Variants in HECW1 observed in about 807,000 individuals in gnomAD.
The protein encoded by HECW1 is E3 ubiquitin-protein ligase HECW1.
HECW1 carries 61 observed loss-of-function variants against 182.3 expected under a neutral mutation model. The observed-to-expected ratio is 0.33, with a 90% CI of 0.27 to 0.41. The LOEUF (loss-of-function observed/expected upper bound fraction) is 0.41. Among genes scored for constraint, HECW1 ranks in the 10% least tolerant of loss-of-function variants. The pLI is 1.00. For synonymous variants in HECW1, 859 were observed against 832.6 expected (o/e 1.03, Z -0.55); for missense variants, 1,739 against 2,108.9 (o/e 0.82, Z 3.44).
At position 43,172,430 on chromosome 7, in the gene HECW1, A is replaced by ATT. The variant is rs11394010; in HGVS notation, c.-32+58047_-32+58048dup. On this transcript the variant is annotated intron_variant, in intron 2 of 29. Coordinates refer to ENST00000395891, the MANE Select transcript of HECW1 (RefSeq NM_015052.5). ...TCTAGAAATCCTAGAGATTTCTAGGATTTTTTTTTCAATAAATTCTTTCAC... is the reference window on the plus strand; with the variant it reads ...TCTAGAAATCCTAGAGATTTCTAGGATTTTTTTTTTTCAATAAATTCTTTCAC... 5.2e-3 allele frequency among the ~76,000 whole-genome samples: 791 copies of ATT among 151,008 alleles called. 3 individuals are homozygous for ATT. The East Asian group carries it at 0.053, about 10-fold the overall frequency.
At chr7:43,251,375 C>A (rs1291661688) in intron 3 of HECW1, among the ~76,000 whole-genome samples, 2 of 152,060 alleles carry the variant, frequency 1.3e-5, no homozygotes, top group African/African-American at 4.8e-5. Flanking sequence ...GATAGCGCGG[C>A]CTTGGCTCAC....
intron 24 of HECW1, among the ~76,000 whole-genome samples, chr7:43,531,367 G>A (rs2080981782): frequency 6.6e-6 from 1 of 152,176 alleles, no homozygotes; most frequent in Non-Finnish European, 1.5e-5. Flanking sequence ...CTGCATTGCT[G>A]TGTCTATCTC....
At chr7:43,157,656 G>C (rs1458314484) in intron 2 of HECW1, among the ~76,000 whole-genome samples, 1 of 152,260 alleles carries the variant, frequency 6.6e-6, no homozygotes, top group African/African-American at 2.4e-5. Context: ...TGTTTCCCAG[G>C]CTTAAGAGAT....
intron 2 of HECW1, among the ~76,000 whole-genome samples, chr7:43,237,142 T>TAGGA (rs1491105573): frequency 2.4e-5 from 1 of 41,490 alleles, no homozygotes; most frequent in Non-Finnish European, 4.4e-5. Flanking sequence ...AGGAAGGAAG[T>TAGGA]AGGTAGGTAG....
chr7:43,364,228 G>T lies in HECW1; in HGVS notation c.555+3248G>T, dbSNP rs73326152. ...TCAGCGCTTTAATTTTCTGAGCATT[G>T]TATGGTCTCACGATGCATCAATTCT... is the stretch of plus-strand genomic sequence containing the variant. On this transcript the variant is annotated intron_variant, in intron 6 of 29. Transcript: ENST00000395891. 5.0e-3 allele frequency among the ~76,000 whole-genome samples: 759 copies of T among 152,270 alleles called. 5 individuals are homozygous for T. The highest frequency in any genetic ancestry group is 0.017 in the African/African-American group (724 of 41,556).
intron 16 of HECW1, among the ~76,000 whole-genome samples, chr7:43,470,430 C>G (rs2077972759): frequency 6.6e-6 from 1 of 152,108 alleles, no homozygotes; most frequent in Non-Finnish European, 1.5e-5. Flanking sequence ...GCTTTTGCAC[C>G]AAGATAAGGA....
chr7:43,341,065 A>G (rs1363391200), intron 5 of HECW1, among the ~76,000 whole-genome samples: 1 of 151,724 alleles, frequency 6.6e-6, no homozygotes, highest in African/African-American at 2.4e-5. Flanking sequence ...AAGGACAGAA[A>G]ACCAAACACT....
In HECW1 at chr7:43,114,453, G is replaced by A. The variant is rs140452644; in HGVS notation, c.-32+62G>A. ...TGTGTTTTCCACTAAGAAGGGATTAGAGTCCACATGCCCACCCTGGTATGA... is the reference window on the plus strand; with the variant it reads ...TGTGTTTTCCACTAAGAAGGGATTAAAGTCCACATGCCCACCCTGGTATGA... On this transcript the variant is annotated intron_variant, in intron 2 of 29. Transcript: ENST00000395891. 2.2e-4 allele frequency: 282 copies of A among 1,287,798 alleles called. 1 individual carries two copies. The African/African-American group carries it at 2.4e-3, about 11-fold the overall frequency. 79.8% of individuals were successfully genotyped at this position (1,287,798 alleles called of 1,614,324 possible).
At chr7:43,236,233 G>C (rs1798322533) in intron 2 of HECW1, among the ~76,000 whole-genome samples, 1 of 152,140 alleles carries the variant, frequency 6.6e-6, no homozygotes, top group African/African-American at 2.4e-5. Flanking sequence ...AGAAATTTCA[G>C]ATATTATGAT....
chr7:43,358,515 A>G lies in HECW1; in HGVS notation c.461-2371A>G, dbSNP rs575012873. ...GAAGTAAGAACACATCCACTAACAG[A>G]GGGACTGGTTAGCATCCAGGCATCA... On this transcript the variant is annotated intron_variant, in intron 5 of 29. Transcript: ENST00000395891. Among the ~76,000 whole-genome samples the G allele has an allele frequency of 4.6e-5, 7 of 152,338 alleles. No homozygotes were observed. In the East Asian group the frequency reaches 1.3e-3, roughly 29 times the overall value.
intron 24 of HECW1, among the ~76,000 whole-genome samples, chr7:43,533,283 C>T (rs115198982): frequency 0.017 from 2,585 of 152,222 alleles, 72 homozygotes; most frequent in African/African-American, 0.059. Flanking sequence ...CATGCAAGTC[C>T]TGGTCCATTA....
chr7:43,329,486 GA>G (rs1036026588), intron 5 of HECW1, among the ~76,000 whole-genome samples: 1 of 151,986 alleles, frequency 6.6e-6, no homozygotes, highest in Non-Finnish European at 1.5e-5. Context: ...GAGAAAAATG[GA>G]AGGGGCTGAT....
chr7:43,461,361 A>T (rs1023333758), intron 13 of HECW1, among the ~76,000 whole-genome samples: 1 of 152,242 alleles, frequency 6.6e-6, no homozygotes, highest in Non-Finnish European at 1.5e-5. Context: ...AAACTCTATT[A>T]GTCAAGGTAG....
chr7:43,167,104 A>G lies in HECW1; in HGVS notation c.-32+52713A>G, dbSNP rs992383734. Among the ~76,000 whole-genome samples, 7 of 152,220 alleles carry G rather than the reference A, an allele frequency of 4.6e-5. 1 individual carries two copies. The highest frequency in any genetic ancestry group is 3.9e-4 in the Admixed American group (6 of 15,286). On this transcript the variant is annotated intron_variant, in intron 2 of 29. Transcript: ENST00000395891. ...CACAAACTTTATGGCCTAAAGCAAC[A>G]GGAATTTATTCTCTCAGTTCTGGAA...
Position 43,169,690 on chromosome 7 carries a change from CTTTT to C in HECW1, c.-32+55314_-32+55317del, listed in dbSNP as rs374141328. On this transcript the variant is annotated intron_variant, in intron 2 of 29. Coordinates refer to ENST00000395891, the MANE Select transcript of HECW1 (RefSeq NM_015052.5). ...TTATCTTTGTATCTTTTTTTCTTTT[CTTTT>C]TTTTTTTTTTTTTTGAGACGGAGTC... Among the ~76,000 whole-genome samples, 149 of 113,442 alleles carry C rather than the reference CTTTT, an allele frequency of 1.3e-3. 1 individual carries two copies. The highest frequency in any genetic ancestry group is 4.8e-3 in the African/African-American group (141 of 29,404). 74.4% of individuals were successfully genotyped at this position (113,442 alleles called of 152,430 possible). A position where few individuals can be genotyped will look rare whatever the true frequency, so the allele number is the denominator to read the frequency against.
At chr7:43,390,382 A>T (rs527911987) in intron 6 of HECW1, among the ~76,000 whole-genome samples, 52 of 152,108 alleles carry the variant, frequency 3.4e-4, no homozygotes, top group African/African-American at 1.0e-3. Context: ...CTACAAAAAA[A>T]TTTTTTTAAT....
chr7:43,482,520 C>T (rs77594380), intron 17 of HECW1, among the ~76,000 whole-genome samples: 2,493 of 152,076 alleles, frequency 0.016, 82 homozygotes, highest in African/African-American at 0.057. Context: ...AGTTAAGTAA[C>T]GAGAGAAATC....
At chr7:43,345,243 G>T (rs1051118067) in intron 5 of HECW1, among the ~76,000 whole-genome samples, 4 of 152,126 alleles carry the variant, frequency 2.6e-5, no homozygotes, top group Admixed American at 6.5e-5. Context: ...GTTAACATTA[G>T]GGTAGAGACT....
intron 8 of HECW1, among the ~76,000 whole-genome samples, chr7:43,414,915 C>G (rs1012316451): frequency 6.6e-6 from 1 of 151,978 alleles, no homozygotes; most frequent in African/African-American, 2.4e-5. Context: ...GTCTAAAATT[C>G]TCTTTTTTGG....
Sources: allele counts gnomAD v4.1 joint callset (sites outside exome capture counted in the v4.1 genomes callset), GRCh38; gene constraint gnomAD v4.1.1; transcripts MANE v1.5; gene names NCBI Gene and HGNC (gene_info 2026-07-23, HGNC 2026-07-21).